Variants in CCDC192 observed in about 807,000 individuals in gnomAD.
The protein encoded by CCDC192 is coiled-coil domain-containing protein 192.
At chr5:127,780,925 A>G (rs560866668) in intron 3 of CCDC192, among the ~76,000 whole-genome samples, 4 of 152,232 alleles carry the variant, frequency 2.6e-5, no homozygotes, top group Non-Finnish European at 4.4e-5. Context: ...GGGTTTTTCC[A>G]ATGTTATCTT....
At chr5:127,828,668 G>A (rs1749647179) in intron 5 of CCDC192, among the ~76,000 whole-genome samples, 1 of 152,152 alleles carries the variant, frequency 6.6e-6, no homozygotes, top group Admixed American at 6.5e-5. Flanking sequence ...TCTGGGAATA[G>A]CCCCTAATTG....
intron 5 of CCDC192, among the ~76,000 whole-genome samples, chr5:127,811,314 A>G (rs193078273): frequency 2.4e-4 from 37 of 152,272 alleles, no homozygotes; most frequent in Admixed American, 2.2e-3. Context: ...GGCTTTCCAG[A>G]TGCTCAAACT....
intron 2 of CCDC192, among the ~76,000 whole-genome samples, chr5:127,742,146 T>A (rs1352959384): frequency 6.6e-6 from 1 of 152,182 alleles, no homozygotes; most frequent in Non-Finnish European, 1.5e-5. Context: ...AATAAATATT[T>A]TTTGAACTTA....
intron 6 of CCDC192, among the ~76,000 whole-genome samples, chr5:127,928,646 GC>G (rs143076866): frequency 0.017 from 2,629 of 152,284 alleles, 88 homozygotes; most frequent in African/African-American, 0.059. Context: ...TCATTATTCT[GC>G]CTACCACACT....
At chr5:127,782,610 A>G (rs980386399) in intron 3 of CCDC192, among the ~76,000 whole-genome samples, 2 of 152,072 alleles carry the variant, frequency 1.3e-5, no homozygotes, top group African/African-American at 4.8e-5. Flanking sequence ...GTAAAGATGT[A>G]CACAATAGCC....
intron 3 of CCDC192, among the ~76,000 whole-genome samples, chr5:127,789,803 A>G (rs920523446): frequency 3.9e-5 from 6 of 152,254 alleles, no homozygotes; most frequent in Admixed American, 2.0e-4. Flanking sequence ...AAGACAGTTC[A>G]GAGATTATCA....
chr5:127,918,955 ATG>A (rs59967262), intron 6 of CCDC192, among the ~76,000 whole-genome samples: 10,816 of 148,228 alleles, frequency 0.073, 883 homozygotes, highest in East Asian at 0.32. Flanking sequence ...ATGTGTATAT[ATG>A]TGTGTGTCTG....
At position 127,844,165 on chromosome 5, in the gene CCDC192, A is replaced by C. The variant is rs1244875877; in HGVS notation, c.412-31373A>C. Among the ~76,000 whole-genome samples, 3 of 152,214 alleles carry C rather than the reference A, an allele frequency of 2.0e-5. No individual in the cohort carries two copies. The East Asian group carries it at 5.8e-4, about 29-fold the overall frequency. ...CCTGTTCCATGGCATCTCATAAGAC[A>C]GGAAAAATCTTGCAAGCCATCAGTA... On this transcript the variant is annotated intron_variant, in intron 5 of 6. Transcript: ENST00000514853.
chr5:127,902,088 TG>T (rs1185321952), intron 6 of CCDC192, among the ~76,000 whole-genome samples: 1 of 152,090 alleles, frequency 6.6e-6, no homozygotes. Context: ...CTGGCCAACA[TG>T]GTGAAACCCT....
At chr5:127,861,131 C>G (rs191152807) in intron 5 of CCDC192, among the ~76,000 whole-genome samples, 1 of 152,058 alleles carries the variant, frequency 6.6e-6, no homozygotes, top group Non-Finnish European at 1.5e-5. Flanking sequence ...TCCTCAGCCT[C>G]CCAAGTAGCT....
At chr5:127,893,678 T>C (rs1217934657) in intron 6 of CCDC192, among the ~76,000 whole-genome samples, 9 of 152,166 alleles carry the variant, frequency 5.9e-5, no homozygotes, top group African/African-American at 1.7e-4. Context: ...TAGTTTAACA[T>C]AAGGGACAGA....
chr5:127,758,022 G>T (rs1754709341), intron 3 of CCDC192, among the ~76,000 whole-genome samples: 1 of 151,892 alleles, frequency 6.6e-6, no homozygotes, highest in Non-Finnish European at 1.5e-5. Flanking sequence ...GACACGACAA[G>T]AACCAAGATT....
At chr5:127,814,043 G>T (rs1391934283) in intron 5 of CCDC192, among the ~76,000 whole-genome samples, 1 of 152,154 alleles carries the variant, frequency 6.6e-6, no homozygotes, top group African/African-American at 2.4e-5. Context: ...AGGGAGCCTT[G>T]GTTGTGAATT....
chr5:127,766,696 C>T (rs376347179), intron 3 of CCDC192, among the ~76,000 whole-genome samples: 7 of 150,894 alleles, frequency 4.6e-5, no homozygotes, highest in East Asian at 2.0e-4. Flanking sequence ...AGGTTGTTTC[C>T]CTTAGTAACA....
chr5:127,891,399 G>C (rs527973913), intron 6 of CCDC192, among the ~76,000 whole-genome samples: 1 of 152,132 alleles, frequency 6.6e-6, no homozygotes, highest in East Asian at 1.9e-4. Flanking sequence ...CAAGCCATCC[G>C]TGAGGGATTC....
At chr5:127,718,108 G>A (rs1387223038) in intron 2 of CCDC192, among the ~76,000 whole-genome samples, 1 of 152,058 alleles carries the variant, frequency 6.6e-6, no homozygotes, top group Non-Finnish European at 1.5e-5. Context: ...AAATATCTGG[G>A]AAGTGTCCTT....
intron 5 of CCDC192, among the ~76,000 whole-genome samples, chr5:127,802,734 T>C (rs1285322615): frequency 6.6e-6 from 1 of 152,202 alleles, no homozygotes; most frequent in African/African-American, 2.4e-5. Context: ...AGTATGTCTG[T>C]TTATCTTTAT....
At chr5:127,822,755 G>A (rs1333462008) in intron 5 of CCDC192, among the ~76,000 whole-genome samples, 1 of 152,090 alleles carries the variant, frequency 6.6e-6, no homozygotes, top group African/African-American at 2.4e-5. Context: ...AGATTTCAGG[G>A]CACAGGTCTC....
chr5:127,737,499 C>T (rs911930137), intron 2 of CCDC192, among the ~76,000 whole-genome samples: 14 of 150,966 alleles, frequency 9.3e-5, no homozygotes, highest in African/African-American at 3.4e-4. Context: ...GACTTTCTGT[C>T]TCGTTGATCT....
Sources: allele counts gnomAD v4.1 joint callset (sites outside exome capture counted in the v4.1 genomes callset), GRCh38; gene constraint gnomAD v4.1.1; transcripts MANE v1.5; gene names NCBI Gene and HGNC (gene_info 2026-07-23, HGNC 2026-07-21).